The following RBFOX1 variants were observed in gnomAD, a reference collection of about 807,000 sequenced individuals.
The protein encoded by RBFOX1 is RNA binding protein fox-1 homolog 1.
Under a neutral mutation model 57.7 loss-of-function variants are expected in RBFOX1, and 8 were observed. The ratio of observed to expected loss-of-function variants is 0.14; its 90% confidence interval spans 0.08 to 0.25. RBFOX1 has a LOEUF of 0.25. RBFOX1 is among the 10% of genes least tolerant of loss of function. The probability of loss-of-function intolerance (pLI) is 1.00; values close to 1 mark genes in which losing one functional copy is unlikely to be tolerated. For synonymous variants in RBFOX1, 326 were observed against 222.4 expected (o/e 1.47, Z -4.15); for missense variants, 611 against 548.5 (o/e 1.11, Z -1.14).
chr16:5,332,591 T>C (rs1218006714), intron 1 of RBFOX1, among the ~76,000 whole-genome samples: 1 of 151,198 alleles, frequency 6.6e-6, no homozygotes, highest in Non-Finnish European at 1.5e-5. Flanking sequence ...TCAGAAAACC[T>C]TTTAAGATTC....
intron 4 of RBFOX1, among the ~76,000 whole-genome samples, chr16:7,065,965 C>A (rs974966915): frequency 6.6e-6 from 1 of 151,896 alleles, no homozygotes; most frequent in East Asian, 1.9e-4. Flanking sequence ...TGTGTAAAAC[C>A]CTATACCCAG....
At chr16:6,433,565 T>A (rs1370745492) in intron 2 of RBFOX1, among the ~76,000 whole-genome samples, 1 of 152,188 alleles carries the variant, frequency 6.6e-6, no homozygotes, top group Admixed American at 6.5e-5. Context: ...TACCACAAAT[T>A]CAGTGGCTTA....
At chr16:6,736,208 G>C (rs547775915) in intron 3 of RBFOX1, among the ~76,000 whole-genome samples, 4 of 151,988 alleles carry the variant, frequency 2.6e-5, no homozygotes, top group South Asian at 4.2e-4. Flanking sequence ...AAGTTATTGG[G>C]GTACAGTTGG....
intron 3 of RBFOX1, among the ~76,000 whole-genome samples, chr16:6,922,996 C>T (rs891755749): frequency 2.2e-4 from 33 of 152,172 alleles, no homozygotes; most frequent in African/African-American, 6.5e-4. Flanking sequence ...ACACAAACTA[C>T]TTATAAATCT....
At chr16:7,084,379 T>G (rs2059667348) in intron 4 of RBFOX1, among the ~76,000 whole-genome samples, 1 of 152,176 alleles carries the variant, frequency 6.6e-6, no homozygotes, top group Non-Finnish European at 1.5e-5. Flanking sequence ...AGCATATTAA[T>G]ATTTGAACAA....
At chr16:5,896,350 C>A (rs1301607292) in intron 4 of RBFOX1, among the ~76,000 whole-genome samples, 1 of 152,062 alleles carries the variant, frequency 6.6e-6, no homozygotes, top group African/African-American at 2.4e-5. Flanking sequence ...TATATTAATC[C>A]CCTCCCTGTG....
intron 3 of RBFOX1, among the ~76,000 whole-genome samples, chr16:6,978,731 T>C (rs1207152957): frequency 1.3e-5 from 2 of 152,360 alleles, no homozygotes; most frequent in East Asian, 3.9e-4. Context: ...CAGAGTAAGT[T>C]TGGAAGAAGG....
chr16:7,229,276 T>C (rs1222172032), intron 4 of RBFOX1, among the ~76,000 whole-genome samples: 1 of 152,200 alleles, frequency 6.6e-6, no homozygotes, highest in Non-Finnish European at 1.5e-5. Flanking sequence ...GCATACTTTT[T>C]CCTCCTAAGT....
In RBFOX1 at chr16:6,267,981, T is replaced by G. The variant is rs535217924; in HGVS notation, c.-126-49014T>G. ...TTTGAAGTAATTAACCCCTGTGTCT[T>G]GAAACACAAGGAAGCTATGACTTTG... On this transcript the variant is annotated intron_variant, in intron 1 of 15. Transcript: ENST00000550418. Among the ~76,000 whole-genome samples, 53 of 152,310 alleles carry G rather than the reference T, an allele frequency of 3.5e-4. 1 individual carries two copies. The highest frequency in any genetic ancestry group is 1.2e-3 in the African/African-American group (49 of 41,580).
At chr16:6,870,202 G>C (rs555447294) in intron 3 of RBFOX1, among the ~76,000 whole-genome samples, 2 of 152,204 alleles carry the variant, frequency 1.3e-5, no homozygotes, top group East Asian at 1.9e-4. Flanking sequence ...ATTTCATCTA[G>C]AATTTTGCAG....
chr16:6,999,945 A>C (rs1568304009), intron 3 of RBFOX1, among the ~76,000 whole-genome samples: 1 of 151,992 alleles, frequency 6.6e-6, no homozygotes, highest in East Asian at 2.0e-4. Flanking sequence ...GGTGGCACAC[A>C]CTTGTAATTT....
intron 4 of RBFOX1, among the ~76,000 whole-genome samples, chr16:7,408,275 T>C (rs2098380636): frequency 6.6e-6 from 1 of 152,178 alleles, no homozygotes; most frequent in Non-Finnish European, 1.5e-5. Context: ...TTTAGTGAGA[T>C]AAATTGTGCT....
intron 3 of RBFOX1, among the ~76,000 whole-genome samples, chr16:5,754,405 C>G (rs780363034): frequency 2.6e-5 from 4 of 151,848 alleles, no homozygotes; most frequent in Non-Finnish European, 5.9e-5. Context: ...GTGGGTTGCC[C>G]CTACACACCT....
At chr16:6,020,698 C>A (rs1437873178) in intron 1 of RBFOX1, among the ~76,000 whole-genome samples, 3 of 147,080 alleles carry the variant, frequency 2.0e-5, no homozygotes, top group Non-Finnish European at 4.5e-5. Flanking sequence ...TTGTGCAGGC[C>A]AGGGGGGGGC....
At chr16:7,237,862 G>A (rs1316519057) in intron 4 of RBFOX1, among the ~76,000 whole-genome samples, 1 of 152,090 alleles carries the variant, frequency 6.6e-6, no homozygotes, top group African/African-American at 2.4e-5. Flanking sequence ...AAATTAGCTG[G>A]ACATGGTGGC....
chr16:6,478,275 T>A (rs1056595323), intron 2 of RBFOX1, among the ~76,000 whole-genome samples: 4 of 140,680 alleles, frequency 2.8e-5, no homozygotes, highest in African/African-American at 1.1e-4. Context: ...TGGGCTGGAG[T>A]GCAGTGGCGT....
At position 7,578,470 on chromosome 16, in the gene RBFOX1, A is replaced by G. The variant is rs1482508524; in HGVS notation, c.271-1307A>G. Among the ~76,000 whole-genome samples the G allele has an allele frequency of 2.0e-5, 3 of 152,292 alleles. No homozygotes were observed. The South Asian group carries it at 6.2e-4, about 32-fold the overall frequency. On this transcript the variant is annotated intron_variant, in intron 5 of 15. Transcript: ENST00000550418. ...GGGTGTGTTAGGAAGGAAAATGCAA[A>G]TGAAACCTTCCAGTACATACCAGGG...
intron 4 of RBFOX1, among the ~76,000 whole-genome samples, chr16:7,502,952 C>A (rs527945389): frequency 2.2e-4 from 33 of 152,168 alleles, no homozygotes; most frequent in African/African-American, 7.7e-4. Flanking sequence ...GAATCTGGGA[C>A]ACTGAGGTTG....
At chr16:5,912,374 G>C (rs899539030) in intron 4 of RBFOX1, among the ~76,000 whole-genome samples, 1 of 152,132 alleles carries the variant, frequency 6.6e-6, no homozygotes, top group Non-Finnish European at 1.5e-5. Flanking sequence ...AGCTGCGCCT[G>C]GGAGAAGCTG....
Sources: allele counts gnomAD v4.1 joint callset (sites outside exome capture counted in the v4.1 genomes callset), GRCh38; gene constraint gnomAD v4.1.1; transcripts MANE v1.5; gene names NCBI Gene and HGNC (gene_info 2026-07-23, HGNC 2026-07-21).